Variants in TF observed in about 807,000 individuals in gnomAD.
TF encodes serotransferrin.
TF carries 55 observed loss-of-function variants against 82.4 expected under a neutral mutation model. The ratio of observed to expected loss-of-function variants is 0.67; its 90% confidence interval spans 0.54 to 0.84. The LOEUF (loss-of-function observed/expected upper bound fraction) is 0.84. Ranked by LOEUF, TF falls within the 40% of genes least tolerant of loss-of-function variation. The probability of loss-of-function intolerance (pLI) is 0.00; values close to 1 mark genes in which losing one functional copy is unlikely to be tolerated. For missense variants in TF, 737 were observed against 868.4 expected (o/e 0.85, Z 1.90); for synonymous variants, 332 against 332.6 (o/e 1.00, Z 0.02).
At chr3:133,725,301 TTCCATTTGTTTGTA>T in the TF span, among the ~76,000 whole-genome samples, 16 of 152,248 alleles carry the variant, frequency 1.1e-4, no homozygotes, top group Admixed American at 2.6e-4. Flanking sequence ...TGGAAGGTTC[TTCCATTTGTTTGTA>T]TCCTTTTTTA....
rs1207109173 is a variant in TF at position 133,790,562 on chromosome 3, A to G, written c.*11942A>G. On this transcript the variant is annotated 3_prime_UTR_variant, in exon 17 of 17. Coordinates refer to ENST00000402696, the MANE Select transcript of TF (RefSeq NM_001063.4). ...AAATATTCTTTAAAACCTGATAGAGAATTGGAGATATTTGGCTAATTAACA... is the reference window on the plus strand; with the variant it reads ...AAATATTCTTTAAAACCTGATAGAGGATTGGAGATATTTGGCTAATTAACA... 1 of 152,254 alleles carries G rather than the reference A, an allele frequency of 6.6e-6. No homozygotes were observed. Among genetic ancestry groups the G allele is most frequent in the East Asian group, 1.9e-4 (1 of 5,202 alleles). The allele number at this position is 152,254 out of a possible 1,614,324, so 9.4% of individuals were successfully genotyped here. A position where few individuals can be genotyped will look rare whatever the true frequency, so the allele number is the denominator to read the frequency against.
intron 11 of TF, among the ~76,000 whole-genome samples, chr3:133,765,745 AT>A (rs1479544777): frequency 3.3e-5 from 5 of 152,212 alleles, no homozygotes; most frequent in Non-Finnish European, 7.4e-5. Context: ...TCTATTTCCC[AT>A]TTTAAGGACC....
rs1934834651 is a variant in TF at position 133,791,613 on chromosome 3, A to G, written c.*12993A>G. The G allele has an allele frequency of 2.0e-5, 3 of 152,126 alleles. No homozygotes were observed. In the South Asian group the frequency reaches 6.2e-4, roughly 31 times the overall value. The allele number at this position is 152,126 out of a possible 1,614,324, so 9.4% of individuals were successfully genotyped here. ...TCTGGTGTGCTTTGTGTCTTTCTGT[A>G]TTGTTTTGTCATAAAGAGGGGTACC... On this transcript the variant is annotated 3_prime_UTR_variant, in exon 17 of 17. Coordinates refer to ENST00000402696, the MANE Select transcript of TF (RefSeq NM_001063.4).
At chr3:133,767,988 T>C (rs766176876) in intron 12 of TF, 41 bp from the exon 13 acceptor site, 1 of 1,613,774 alleles carries the variant, frequency 6.2e-7, no homozygotes, top group South Asian at 1.1e-5. Context: ...CTGCTTGCAT[T>C]GACTCAGGAA....
the TF span, among the ~76,000 whole-genome samples, chr3:133,704,862 G>A: frequency 6.6e-6 from 1 of 151,972 alleles, no homozygotes; most frequent in African/African-American, 2.4e-5. Context: ...TGTAAAAGAG[G>A]GTTTCCCTAA....
intron 14 of TF, chr3:133,774,193 A>G (rs2107932880): frequency 6.6e-6 from 1 of 152,322 alleles, no homozygotes; most frequent in African/African-American, 2.4e-5. Context: ...AGAACATAGT[A>G]TCATAGATAA....
At chr3:133,692,635 T>C in the TF span, 9 of 152,098 alleles carry the variant, frequency 5.9e-5, no homozygotes, top group Non-Finnish European at 1.3e-4. Flanking sequence ...ATTAAGGGCT[T>C]TTTTTTTCTT....
At chr3:133,670,458 T>C in the TF span, among the ~76,000 whole-genome samples, 3 of 152,250 alleles carry the variant, frequency 2.0e-5, no homozygotes, top group African/African-American at 4.8e-5. Context: ...TTGGATGTCC[T>C]ATCTTTGCAA....
the TF span, among the ~76,000 whole-genome samples, chr3:133,678,851 T>G: frequency 5.0e-4 from 75 of 149,442 alleles, no homozygotes; most frequent in Middle Eastern, 3.5e-3. Context: ...GCCCAGCTAT[T>G]TTTTGTTTTG....
the TF span, among the ~76,000 whole-genome samples, chr3:133,671,729 GT>G: frequency 6.6e-6 from 1 of 151,040 alleles, no homozygotes; most frequent in Non-Finnish European, 1.5e-5. Flanking sequence ...GGAGGCGGAG[GT>G]TACAATGAGC....
intron 3 of TF, 60 bp downstream of exon 3, chr3:133,753,763 T>C (rs1933742433): frequency 7.2e-7 from 1 of 1,390,616 alleles, no homozygotes; most frequent in Non-Finnish European, 1.0e-6. Context: ...TGCTGAGTGC[T>C]GTGTTTTACA....
the TF span, among the ~76,000 whole-genome samples, chr3:133,719,242 A>T: frequency 6.6e-6 from 1 of 152,170 alleles, no homozygotes. Context: ...CGATATTGTG[A>T]GTTTGGATCC....
At chr3:133,681,186 G>C in the TF span, among the ~76,000 whole-genome samples, 2 of 152,178 alleles carry the variant, frequency 1.3e-5, no homozygotes, top group African/African-American at 4.8e-5. Flanking sequence ...TGTAAGCTTT[G>C]AGTCACCGAA....
Position 133,768,122 on chromosome 3 carries a change from CCAA to C in TF, c.1587_1589del (p.Asn529del), listed in dbSNP as rs1309154912. The C allele has an allele frequency of 5.0e-6, 8 of 1,613,938 alleles. No individual in the cohort carries two copies. Among genetic ancestry groups the C allele is most frequent in the Non-Finnish European group, 6.8e-6 (8 of 1,180,032 alleles). ...GGCTCAGGCCTAAACCTGTGTGAAC[CCAA>C]CAACAAAGAGGGATACTACGGCTAC... On this transcript the variant is annotated inframe_deletion, in exon 13 of 17. Transcript: ENST00000402696.
At chr3:133,732,494 A>C in the TF span, among the ~76,000 whole-genome samples, 1 of 152,214 alleles carries the variant, frequency 6.6e-6, no homozygotes, top group African/African-American at 2.4e-5. Flanking sequence ...AAAGTAGGCC[A>C]CCAGAGCCAA....
chr3:133,741,411 C>T (rs1278492867), upstream of TF, among the ~76,000 whole-genome samples: 1 of 152,006 alleles, frequency 6.6e-6, no homozygotes, highest in African/African-American at 2.4e-5. Context: ...CTTACTATTT[C>T]TTTTTCTTGC....
chr3:133,774,149 C>T (rs574809931), intron 14 of TF: 11 of 152,206 alleles, frequency 7.2e-5, no homozygotes, highest in African/African-American at 2.4e-4. Context: ...GTGTTATTTT[C>T]CCCTCCAATA....
chr3:133,665,935 C>CAAAAAAA, the TF span, among the ~76,000 whole-genome samples: 3 of 52,086 alleles, frequency 5.8e-5, no homozygotes, highest in South Asian at 8.1e-4. Context: ...AACTCCATCT[C>CAAAAAAA]AAAAAAAAAA....
chr3:133,664,142 T>C, the TF span, among the ~76,000 whole-genome samples: 1 of 152,196 alleles, frequency 6.6e-6, no homozygotes, highest in Non-Finnish European at 1.5e-5. Context: ...GGGGTAGGGC[T>C]AGCAATCTGT....
Sources: gnomAD v4.1 joint callset for allele counts (sites outside exome capture counted in the v4.1 genomes callset) on GRCh38, gnomAD v4.1.1 for gene constraint, MANE v1.5 for transcripts, NCBI Gene and HGNC (gene_info 2026-07-23, HGNC 2026-07-21) for gene names.